The following SPAG6 variants were observed in gnomAD, a reference collection of about 807,000 sequenced individuals.
The protein encoded by SPAG6 is sperm associated antigen 6.
SPAG6 carries 49 observed loss-of-function variants against 58.5 expected under a neutral mutation model. That is an observed-to-expected ratio of 0.84 (90% CI 0.67 to 1.06). The LOEUF (loss-of-function observed/expected upper bound fraction) is 1.06. SPAG6 is among the 50% of genes least tolerant of loss of function. The pLI is 0.00. For synonymous variants in SPAG6, 233 were observed against 225.6 expected, an observed-to-expected ratio of 1.03 and a Z score of -0.29; for missense variants, 560 against 611.3, an observed-to-expected ratio of 0.92 and a Z score of 0.89.
At chr10:22,387,738 A>G (rs963997316) in intron 5 of SPAG6, 85 bp from the exon 6 acceptor site, 2 of 1,318,592 alleles carry the variant, frequency 1.5e-6, no homozygotes, top group African/African-American at 1.5e-5. Flanking sequence ...ATTTGAATAT[A>G]TATAAAACTG....
intron 9 of SPAG6, among the ~76,000 whole-genome samples, chr10:22,408,138 C>T (rs1262034461): frequency 4.2e-5 from 6 of 143,710 alleles, no homozygotes; most frequent in Admixed American, 6.8e-5. Flanking sequence ...TCTCTCAGCT[C>T]GTCAAAGTCA....
intron 2 of SPAG6, chr10:22,360,822 A>G: frequency 4.6e-6 from 7 of 1,534,122 alleles, no homozygotes; most frequent in Admixed American, 2.0e-5. Context: ...CTAAATTTCC[A>G]TGCATTCACT....
intron 5 of SPAG6, among the ~76,000 whole-genome samples, chr10:22,387,345 T>G (rs1330898776): frequency 6.6e-6 from 1 of 152,196 alleles, no homozygotes; most frequent in Non-Finnish European, 1.5e-5. Context: ...TGATTTTTAG[T>G]TAATAGTCAC....
intron 10 of SPAG6, among the ~76,000 whole-genome samples, chr10:22,414,634 A>G (rs899721257): frequency 7.9e-5 from 12 of 152,210 alleles, no homozygotes; most frequent in African/African-American, 2.9e-4. Context: ...TGTCTGTTAA[A>G]CTGAATTTTT....
intron 2 of SPAG6, among the ~76,000 whole-genome samples, chr10:22,363,770 T>A (rs1837111054): frequency 6.6e-6 from 1 of 152,236 alleles, no homozygotes. Context: ...TATAATACTA[T>A]AAAAGAATAC....
intron 2 of SPAG6, among the ~76,000 whole-genome samples, chr10:22,356,827 T>C (rs1588636079): frequency 6.6e-6 from 1 of 152,220 alleles, no homozygotes; most frequent in African/African-American, 2.4e-5. Flanking sequence ...GCCTCTCATC[T>C]TGTCCCTTGT....
chr10:22,351,709 A>G (rs1367646988), intron 2 of SPAG6, among the ~76,000 whole-genome samples: 1 of 152,204 alleles, frequency 6.6e-6, no homozygotes, highest in Admixed American at 6.5e-5. Flanking sequence ...TCAGGGCTAC[A>G]TCTTGATAAA....
intron 8 of SPAG6, among the ~76,000 whole-genome samples, chr10:22,397,075 T>C (rs1039337880): frequency 1.1e-4 from 17 of 152,276 alleles, no homozygotes; most frequent in African/African-American, 3.8e-4. Context: ...TATGGAGTTG[T>C]AAGGGCTATT....
intron 2 of SPAG6, chr10:22,361,036 G>A (rs1488047127): frequency 1.9e-6 from 1 of 535,446 alleles, no homozygotes; most frequent in African/African-American, 1.9e-5. Context: ...TCTCTTTAGA[G>A]GAAGAGAAGC....
chr10:22,355,126 C>A (rs1836832480), intron 2 of SPAG6, among the ~76,000 whole-genome samples: 1 of 152,106 alleles, frequency 6.6e-6, no homozygotes, highest in Non-Finnish European at 1.5e-5. Context: ...GACTATATAC[C>A]CTTTGGTATA....
chr10:22,347,328 A>T (rs1229548829), intron 2 of SPAG6, among the ~76,000 whole-genome samples: 1 of 152,210 alleles, frequency 6.6e-6, no homozygotes, highest in Non-Finnish European at 1.5e-5. Context: ...AGTACCCAGA[A>T]CAATACTGGG....
intron 4 of SPAG6, among the ~76,000 whole-genome samples, chr10:22,378,060 T>C (rs1048720586): frequency 4.1e-5 from 6 of 145,540 alleles, no homozygotes; most frequent in East Asian, 2.0e-4. Context: ...CTTTTCTTTT[T>C]TTTTTTTTTT....
At chr10:22,395,659 T>G (rs1449399939) in intron 8 of SPAG6, among the ~76,000 whole-genome samples, 1 of 152,208 alleles carries the variant, frequency 6.6e-6, no homozygotes, top group Non-Finnish European at 1.5e-5. Flanking sequence ...TACAAGTATT[T>G]TCTCACATTC....
intron 2 of SPAG6, among the ~76,000 whole-genome samples, chr10:22,350,684 G>A (rs758016963): frequency 6.6e-6 from 1 of 151,976 alleles, no homozygotes; most frequent in African/African-American, 2.4e-5. Context: ...GCTCTGTTTT[G>A]GTGTTGATGC....
intron 9 of SPAG6, among the ~76,000 whole-genome samples, chr10:22,403,106 T>C (rs963965349): frequency 2.6e-5 from 4 of 152,158 alleles, no homozygotes; most frequent in Non-Finnish European, 4.4e-5. Context: ...CTTATAAATG[T>C]GCCTTCAGGA....
At position 22,416,159 on chromosome 10, in the gene SPAG6, C is replaced by T. The variant is rs559748823; in HGVS notation, c.1461-460C>T. 9.9e-5 allele frequency among the ~76,000 whole-genome samples: 15 copies of T among 151,904 alleles called. No homozygotes were observed. The East Asian group carries it at 2.9e-3, about 29-fold the overall frequency. On this transcript the variant is annotated intron_variant, in intron 10 of 10. Coordinates refer to ENST00000376624, the MANE Select transcript of SPAG6 (RefSeq NM_012443.4). ...CAGAAATTTTTGTTTTCCTAGGTGA[C>T]CAGATCTGATTAAAACCCATGCTGA...
chr10:22,388,138 G>C, intron 6 of SPAG6, 142 bp downstream of exon 6: 1 of 663,592 alleles, frequency 1.5e-6, no homozygotes, highest in South Asian at 2.1e-5. Flanking sequence ...TGATGTTTTG[G>C]ACTGGGTAGT....
At chr10:22,383,510 T>C (rs904479756) in intron 4 of SPAG6, among the ~76,000 whole-genome samples, 1 of 151,754 alleles carries the variant, frequency 6.6e-6, no homozygotes, top group Non-Finnish European at 1.5e-5. Flanking sequence ...GTGGTGGCAG[T>C]TGCCTGTAAT....
intron 4 of SPAG6, among the ~76,000 whole-genome samples, chr10:22,384,472 A>G (rs1588657745): frequency 6.6e-6 from 1 of 152,222 alleles, no homozygotes; most frequent in Non-Finnish European, 1.5e-5. Flanking sequence ...TGTAGAGTCT[A>G]CATTATTTAG....
Sources: gnomAD v4.1 joint callset for allele counts (sites outside exome capture counted in the v4.1 genomes callset) on GRCh38, gnomAD v4.1.1 for gene constraint, MANE v1.5 for transcripts, NCBI Gene and HGNC (gene_info 2026-07-23, HGNC 2026-07-21) for gene names.